CRPPA: variants seen among roughly 807,000 people sequenced by gnomAD.
The protein encoded by CRPPA is D-ribitol-5-phosphate cytidylyltransferase.
A neutral mutation model predicts 52.0 loss-of-function variants in CRPPA; 43 were observed. The observed-to-expected ratio is 0.83, with a 90% CI of 0.65 to 1.07. The LOEUF is 1.07. Among genes scored for constraint, CRPPA ranks in the 50% least tolerant of loss-of-function variants. The probability of loss-of-function intolerance (pLI) is 0.00; values close to 1 mark genes in which losing one functional copy is unlikely to be tolerated. For missense variants in CRPPA, 629 were observed against 551.7 expected (o/e 1.14, Z -1.40); for synonymous variants, 250 against 203.5 (o/e 1.23, Z -1.94).
chr7:16,200,589 T>C (rs1781829603), intron 9 of CRPPA, among the ~76,000 whole-genome samples: 1 of 152,210 alleles, frequency 6.6e-6, no homozygotes, highest in Non-Finnish European at 1.5e-5. Flanking sequence ...TTTAGACATA[T>C]AATTAATCAA....
At chr7:16,213,502 A>C (rs1380674957) in intron 9 of CRPPA, among the ~76,000 whole-genome samples, 1 of 152,036 alleles carries the variant, frequency 6.6e-6, no homozygotes, top group Non-Finnish European at 1.5e-5. Context: ...TAATCCCAGC[A>C]CTTTGGGAGG....
chr7:16,232,903 A>G (rs1288949286), intron 8 of CRPPA, among the ~76,000 whole-genome samples: 1 of 152,154 alleles, frequency 6.6e-6, no homozygotes, highest in Non-Finnish European at 1.5e-5. Flanking sequence ...ACTGACACCA[A>G]TATTAGAACT....
chr7:16,342,778 A>ATATATATATAGATATATATATAT (rs1486644014), intron 3 of CRPPA, among the ~76,000 whole-genome samples: 14 of 67,510 alleles, frequency 2.1e-4, no homozygotes, highest in African/African-American at 9.7e-4. Context: ...AAAAAAAAAA[A>ATATATATATAGATATATATATAT]AAAAATATAT....
At chr7:16,192,136 A>G (rs1781627593) in intron 9 of CRPPA, among the ~76,000 whole-genome samples, 2 of 152,112 alleles carry the variant, frequency 1.3e-5, no homozygotes, top group African/African-American at 4.8e-5. Context: ...AAATCCAATG[A>G]TAGTTCTTAA....
intron 9 of CRPPA, among the ~76,000 whole-genome samples, chr7:16,120,719 G>A (rs1184461943): frequency 1.3e-5 from 2 of 151,970 alleles, no homozygotes; most frequent in African/African-American, 2.4e-5. Flanking sequence ...CTTGAATAAA[G>A]TCTTCTTTAC....
At chr7:16,106,424 C>G (rs1245430373) in intron 9 of CRPPA, among the ~76,000 whole-genome samples, 1 of 152,170 alleles carries the variant, frequency 6.6e-6, no homozygotes, top group East Asian at 1.9e-4. Context: ...TGTGACTAGT[C>G]TGACCAGAAG....
rs774775772 is a variant in CRPPA at position 16,091,170 on chromosome 7, G to C, written c.*525C>G. ...ATGGGGAAAATGCTAGAAACAAACA[G>C]TTCCGTTCCCTGGTATCCCACTCAC... On this transcript the variant is annotated 3_prime_UTR_variant, in exon 10 of 10. Coordinates refer to ENST00000407010, the MANE Select transcript of CRPPA (RefSeq NM_001101426.4). The C allele has an allele frequency of 6.6e-6, 1 of 152,430 alleles. No homozygotes were observed. 9.4% of individuals were successfully genotyped at this position (152,430 alleles called of 1,614,324 possible).
chr7:16,351,616 G>A (rs1240275904), intron 3 of CRPPA, among the ~76,000 whole-genome samples: 1 of 151,762 alleles, frequency 6.6e-6, no homozygotes, highest in Non-Finnish European at 1.5e-5. Context: ...GATATGAACA[G>A]ACACTTCTCA....
chr7:16,205,652 T>G (rs1047787052), intron 9 of CRPPA, among the ~76,000 whole-genome samples: 7 of 152,156 alleles, frequency 4.6e-5, no homozygotes, highest in African/African-American at 1.4e-4. Flanking sequence ...TGCTTATTCC[T>G]TTCTCCATGG....
In CRPPA at chr7:16,088,627, C is replaced by G. The variant is rs1781749222; in HGVS notation, c.*3068G>C. 6.5e-6 allele frequency: 1 copy of G among 152,740 alleles called. No homozygotes were observed. The highest frequency in any genetic ancestry group is 1.5e-5 in the Non-Finnish European group (1 of 68,526). 9.5% of individuals were successfully genotyped at this position (152,740 alleles called of 1,614,324 possible). ...TAGAGACGGGGTTTCACCGCATTAGCCAGGATGGTCTGGATCTCCTGACCT... is the reference window on the plus strand; with the variant it reads ...TAGAGACGGGGTTTCACCGCATTAGGCAGGATGGTCTGGATCTCCTGACCT... On this transcript the variant is annotated 3_prime_UTR_variant, in exon 10 of 10. Coordinates refer to ENST00000407010, the MANE Select transcript of CRPPA (RefSeq NM_001101426.4).
chr7:16,253,957 T>C (rs145217265), intron 8 of CRPPA, among the ~76,000 whole-genome samples: 179 of 152,176 alleles, frequency 1.2e-3, no homozygotes, highest in African/African-American at 3.8e-3. Flanking sequence ...CAAAAGAAGA[T>C]ATTTATGCAG....
At chr7:16,403,227 G>T (rs1266354208) in intron 2 of CRPPA, among the ~76,000 whole-genome samples, 2 of 152,156 alleles carry the variant, frequency 1.3e-5, no homozygotes, top group African/African-American at 4.8e-5. Context: ...ATGGAATTTT[G>T]CTCCCGAACT....
intron 3 of CRPPA, among the ~76,000 whole-genome samples, chr7:16,348,162 T>C (rs1786062906): frequency 6.6e-6 from 1 of 152,148 alleles, no homozygotes; most frequent in Admixed American, 6.6e-5. Flanking sequence ...TCCCAAGCCT[T>C]CTTCCTCAGC....
chr7:16,229,566 T>C (rs1191430705), intron 8 of CRPPA, among the ~76,000 whole-genome samples: 3 of 152,084 alleles, frequency 2.0e-5, no homozygotes, highest in Admixed American at 6.6e-5. Context: ...CTCCTCCATA[T>C]TTAGTATTTT....
intron 8 of CRPPA, among the ~76,000 whole-genome samples, chr7:16,247,174 C>T (rs1783299302): frequency 6.6e-6 from 1 of 152,212 alleles, no homozygotes; most frequent in African/African-American, 2.4e-5. Flanking sequence ...TCTTTTTAAA[C>T]CACATGAATA....
chr7:16,369,001 C>A (rs1262224254), intron 3 of CRPPA, among the ~76,000 whole-genome samples: 1 of 151,980 alleles, frequency 6.6e-6, no homozygotes, highest in Non-Finnish European at 1.5e-5. Context: ...GAAATTCATC[C>A]AGCAATATTT....
chr7:16,123,781 C>G (rs943012881), intron 9 of CRPPA, among the ~76,000 whole-genome samples: 1 of 152,108 alleles, frequency 6.6e-6, no homozygotes, highest in Non-Finnish European at 1.5e-5. Flanking sequence ...TTTAGAAAAA[C>G]AGCTAAACAA....
intron 8 of CRPPA, among the ~76,000 whole-genome samples, chr7:16,256,760 T>C (rs11765428): frequency 0.19 from 28,484 of 151,760 alleles, 2,715 homozygotes; most frequent in East Asian, 0.28. Flanking sequence ...CTGGGGCTTG[T>C]TGGGGAGTGG....
intron 2 of CRPPA, among the ~76,000 whole-genome samples, chr7:16,382,551 T>G (rs896524182): frequency 6.6e-6 from 1 of 152,066 alleles, no homozygotes; most frequent in Non-Finnish European, 1.5e-5. Context: ...CTTGCTAGAT[T>G]GGGGAAGTTC....
Sources: allele counts gnomAD v4.1 joint callset (sites outside exome capture counted in the v4.1 genomes callset), GRCh38; gene constraint gnomAD v4.1.1; transcripts MANE v1.5; gene names NCBI Gene and HGNC (gene_info 2026-07-23, HGNC 2026-07-21).